NALF1: variants seen among roughly 807,000 people sequenced by gnomAD.
The protein encoded by NALF1 is family with sequence similarity 155 member A.
In NALF1, 3 loss-of-function variants were observed where a neutral mutation model predicts 48.4. That is an observed-to-expected ratio of 0.06 (90% CI 0.03 to 0.16). NALF1 has a LOEUF of 0.16. NALF1 is among the 10% of genes least tolerant of loss of function. The pLI, the probability that NALF1 is intolerant of heterozygous loss-of-function variation, is 1.00. For synonymous variants in NALF1, 262 were observed against 245.7 expected (o/e 1.07, Z -0.62); for missense variants, 526 against 571.5 (o/e 0.92, Z 0.81).
intron 2 of NALF1, among the ~76,000 whole-genome samples, chr13:107,176,484 T>C (rs1878936768): frequency 6.6e-6 from 1 of 151,648 alleles, no homozygotes; most frequent in Non-Finnish European, 1.5e-5. Flanking sequence ...CTACTAAAAA[T>C]ACAAAAAATT....
intron 1 of NALF1, among the ~76,000 whole-genome samples, chr13:107,668,154 A>C (rs1880906797): frequency 6.6e-6 from 1 of 152,148 alleles, no homozygotes; most frequent in South Asian, 2.1e-4. Flanking sequence ...GGTAAGGCAT[A>C]TATCACCTAA....
chr13:107,233,460 G>C (rs755421517), intron 1 of NALF1, among the ~76,000 whole-genome samples: 5 of 152,138 alleles, frequency 3.3e-5, no homozygotes, highest in Non-Finnish European at 5.9e-5. Flanking sequence ...ATGTATGAAG[G>C]TATCACGTTC....
chr13:107,462,843 C>T (rs771376865), intron 1 of NALF1, among the ~76,000 whole-genome samples: 1 of 152,234 alleles, frequency 6.6e-6, no homozygotes, highest in Non-Finnish European at 1.5e-5. Context: ...CTCATTTCTC[C>T]TGGGCTTGCC....
chr13:107,632,869 A>T (rs1336671958), intron 1 of NALF1, among the ~76,000 whole-genome samples: 1 of 151,768 alleles, frequency 6.6e-6, no homozygotes, highest in African/African-American at 2.4e-5. Context: ...GCCCAGAAAA[A>T]GACGGAAATG....
At chr13:107,754,103 T>C (rs576692617) in intron 1 of NALF1, among the ~76,000 whole-genome samples, 137 of 152,266 alleles carry the variant, frequency 9.0e-4, no homozygotes, top group African/African-American at 3.2e-3. Context: ...ATATTCTGCT[T>C]AGGTTTGCTA....
At chr13:107,578,509 AAACT>A in intron 1 of NALF1, among the ~76,000 whole-genome samples, 1 of 152,250 alleles carries the variant, frequency 6.6e-6, no homozygotes, top group South Asian at 2.1e-4. Context: ...TTCTGTCTCA[AAACT>A]TCTTTTATAT....
intron 1 of NALF1, among the ~76,000 whole-genome samples, chr13:107,862,955 A>C (rs2138651603): frequency 6.6e-6 from 1 of 151,702 alleles, no homozygotes; most frequent in African/African-American, 2.4e-5. Context: ...AGTTTTTCTA[A>C]AATATGTATC....
intron 1 of NALF1, among the ~76,000 whole-genome samples, chr13:107,451,520 G>C (rs978120978): frequency 6.6e-6 from 1 of 152,182 alleles, no homozygotes; most frequent in Admixed American, 6.5e-5. Flanking sequence ...AGGGCACCGT[G>C]TGATGTTAAA....
chr13:107,473,879 C>G (rs556496315), intron 1 of NALF1, among the ~76,000 whole-genome samples: 1 of 152,188 alleles, frequency 6.6e-6, no homozygotes, highest in African/African-American at 2.4e-5. Context: ...CCGGTGATGA[C>G]AGCGGGGCCC....
chr13:107,797,498 C>T (rs1878465268), intron 1 of NALF1, among the ~76,000 whole-genome samples: 1 of 152,128 alleles, frequency 6.6e-6, no homozygotes, highest in Non-Finnish European at 1.5e-5. Context: ...CGTGAGCCAC[C>T]GCGCCCGGCC....
At chr13:107,775,145 G>A (rs146658750) in intron 1 of NALF1, among the ~76,000 whole-genome samples, 3,652 of 151,934 alleles carry the variant, frequency 0.024, 126 homozygotes, top group African/African-American at 0.084. Context: ...ATGCTGGTGC[G>A]CTGCACCCAC....
At chr13:107,329,747 C>G (rs940977562) in intron 1 of NALF1, among the ~76,000 whole-genome samples, 1 of 149,876 alleles carries the variant, frequency 6.7e-6, no homozygotes, top group Admixed American at 6.7e-5. Context: ...TGAGTGAGAA[C>G]ATGCGGTGTT....
chr13:107,711,820 A>T (rs911917353), intron 1 of NALF1, among the ~76,000 whole-genome samples: 1 of 152,226 alleles, frequency 6.6e-6, no homozygotes, highest in African/African-American at 2.4e-5. Context: ...TAGTCTAAGA[A>T]TGTATGTTTT....
At chr13:107,595,613 A>G (rs1878722930) in intron 1 of NALF1, among the ~76,000 whole-genome samples, 2 of 152,180 alleles carry the variant, frequency 1.3e-5, no homozygotes, top group Non-Finnish European at 2.9e-5. Context: ...TTTCTAATGC[A>G]TACTTTCTAA....
chr13:107,630,015 ATCTC>A (rs1566421911), intron 1 of NALF1, among the ~76,000 whole-genome samples: 1 of 151,962 alleles, frequency 6.6e-6, no homozygotes, highest in Non-Finnish European at 1.5e-5. Flanking sequence ...TCTATCATCT[ATCTC>A]TCTCTCTTCT....
chr13:107,458,756 G>C (rs74553808), intron 1 of NALF1, among the ~76,000 whole-genome samples: 83 of 152,234 alleles, frequency 5.5e-4, no homozygotes, highest in African/African-American at 1.8e-3. Flanking sequence ...AGACAATAGC[G>C]AGCCTGGGAG....
chr13:107,479,823 T>C (rs900352095), intron 1 of NALF1, among the ~76,000 whole-genome samples: 3 of 152,146 alleles, frequency 2.0e-5, no homozygotes, highest in Admixed American at 1.3e-4. Context: ...TTTTTAAAAA[T>C]TTAAGTAGAT....
At chr13:107,700,586 T>C (rs1881796032) in intron 1 of NALF1, among the ~76,000 whole-genome samples, 1 of 152,006 alleles carries the variant, frequency 6.6e-6, no homozygotes, top group Non-Finnish European at 1.5e-5. Flanking sequence ...ATTTCTAAGA[T>C]ATTACACCAA....
chr13:107,278,961 C>T (rs1881333150), intron 1 of NALF1, among the ~76,000 whole-genome samples: 3 of 151,012 alleles, frequency 2.0e-5, no homozygotes, highest in African/African-American at 4.9e-5. Flanking sequence ...TGATTGGCTT[C>T]AAAGAAAATG....
Sources: gnomAD v4.1 joint callset for allele counts (sites outside exome capture counted in the v4.1 genomes callset) on GRCh38, gnomAD v4.1.1 for gene constraint, MANE v1.5 for transcripts, NCBI Gene and HGNC (gene_info 2026-07-23, HGNC 2026-07-21) for gene names.